KCNQ1: variants seen among roughly 807,000 people sequenced by gnomAD.
KCNQ1 encodes the protein potassium voltage-gated channel subfamily KQT member 1.
In KCNQ1, 49 loss-of-function variants were observed where a neutral mutation model predicts 72.4. That is an observed-to-expected ratio of 0.68 (90% confidence interval 0.54 to 0.86). The LOEUF (loss-of-function observed/expected upper bound fraction) is 0.86, where lower values mean the gene tolerates loss of function less well. KCNQ1 is among the 40% of genes least tolerant of loss of function. KCNQ1 has a pLI of 0.00. For synonymous variants in KCNQ1, 450 were observed against 412.6 expected, an observed-to-expected ratio of 1.09 and a Z score of -1.10; for missense variants, 790 against 945.1, an observed-to-expected ratio of 0.84 and a Z score of 2.15.
At chr11:2,522,612 T>G (rs1416723188) in intron 1 of KCNQ1, among the ~76,000 whole-genome samples, 2 of 152,228 alleles carry the variant, frequency 1.3e-5, no homozygotes, top group African/African-American at 4.8e-5. Flanking sequence ...AAAAGTAAGC[T>G]TTGTCATATA....
At position 2,603,596 on chromosome 11, in the gene KCNQ1, C is replaced by A. The variant is rs1177363556; in HGVS notation, c.1393+14742C>A. On this transcript the variant is annotated intron_variant, in intron 10 of 15. Transcript: ENST00000155840. The surrounding 1 kb of genome is among the most constrained non-coding windows in gnomAD (Gnocchi z 4.1). Reference sequence around the variant, plus strand: ...CTTTCTCTCTATGGGTTTGCCTATTCTGGACATTTTATATAAGTGGAATCA... The same window carrying A: ...CTTTCTCTCTATGGGTTTGCCTATTATGGACATTTTATATAAGTGGAATCA... Among the ~76,000 whole-genome samples, 3 of 152,158 alleles carry A rather than the reference C, an allele frequency of 2.0e-5. No individual in the cohort carries two copies. The highest frequency in any genetic ancestry group is 7.2e-5 in the African/African-American group (3 of 41,438).
rs951066677 is a variant in KCNQ1, at chr11:2,803,421, G to T, written c.1794+25384G>T. Among the ~76,000 whole-genome samples, 7 of 152,178 alleles carry T rather than the reference G, an allele frequency of 4.6e-5. No individual in the cohort carries two copies. Among genetic ancestry groups the T allele is most frequent in the Non-Finnish European group, 1.0e-4 (7 of 68,024 alleles). Reference sequence around the variant, plus strand: ...TAGAATGATATTCCCTCCAGACCACGGTGCCTTCTGGGCTCTGGAGAATGC... The same window carrying T: ...TAGAATGATATTCCCTCCAGACCACTGTGCCTTCTGGGCTCTGGAGAATGC... On this transcript the variant is annotated intron_variant, in intron 15 of 15. Transcript: ENST00000155840. The surrounding 1 kb of genome is among the most constrained non-coding windows in gnomAD (Gnocchi z 6.4).
chr11:2,804,701 C>T (rs1282902564), intron 15 of KCNQ1, among the ~76,000 whole-genome samples: 3 of 151,786 alleles, frequency 2.0e-5, no homozygotes, highest in Non-Finnish European at 4.4e-5. Context: ...ATTCTCCACA[C>T]TCTCCTGGCC....
chr11:2,561,334 C>T (rs1056193769), intron 2 of KCNQ1, among the ~76,000 whole-genome samples: 6 of 152,188 alleles, frequency 3.9e-5, no homozygotes, highest in Non-Finnish European at 7.3e-5. Flanking sequence ...CGGGACGGGG[C>T]GTCAGGTCAG....
At chr11:2,680,300 G>A in intron 11 of KCNQ1, 1 of 383,804 alleles carries the variant, frequency 2.6e-6, no homozygotes, top group Non-Finnish European at 4.5e-6. Flanking sequence ...TAGATTAACT[G>A]ATGAAGAATT....
rs980721084 is a variant in KCNQ1 at position 2,457,099 on chromosome 11, C to A, written c.386+11615C>A. Among the ~76,000 whole-genome samples, 16 of 152,058 alleles carry A rather than the reference C, an allele frequency of 1.1e-4. No individual in the cohort carries two copies. Among genetic ancestry groups the A allele is most frequent in the Non-Finnish European group, 1.8e-4 (12 of 68,012 alleles). The stretch of plus-strand genomic sequence containing the variant: ...TGCAAATCAAAGTCACAATGAGATA[C>A]CATCTCACGCCAGTCAGAATGGCCT... On this transcript the variant is annotated intron_variant, in intron 1 of 15. Transcript: ENST00000155840. The surrounding 1 kb of genome is among the most constrained non-coding windows in gnomAD (Gnocchi z 5.0).
At chr11:2,765,522 A>G (rs116797184) in intron 11 of KCNQ1, among the ~76,000 whole-genome samples, 3,704 of 152,290 alleles carry the variant, frequency 0.024, 167 homozygotes, top group African/African-American at 0.084. Flanking sequence ...AGGCTGTTCA[A>G]ATTTGTCTCT....
At chr11:2,489,455 A>T (rs988906146) in intron 1 of KCNQ1, among the ~76,000 whole-genome samples, 2 of 152,150 alleles carry the variant, frequency 1.3e-5, no homozygotes, top group Non-Finnish European at 2.9e-5. Flanking sequence ...TTCTAAATAA[A>T]CTTGTAAGGC....
Position 2,658,898 on chromosome 11 carries a change from G to C in KCNQ1, c.1394-3063G>C. 1 of 398,348 alleles carries C rather than the reference G, an allele frequency of 2.5e-6. No individual in the cohort carries two copies. The highest frequency in any genetic ancestry group is 4.4e-5 in the Admixed American group (1 of 22,698). The allele number at this position is 398,348 out of a possible 1,614,324, so 24.7% of individuals were successfully genotyped here. A position where few individuals can be genotyped will look rare whatever the true frequency, so the allele number is the denominator to read the frequency against. On this transcript the variant is annotated intron_variant, in intron 10 of 15. Coordinates refer to ENST00000155840, the MANE Select transcript of KCNQ1 (RefSeq NM_000218.3). The surrounding 1 kb of genome is among the most constrained non-coding windows in gnomAD (Gnocchi z 4.9). ...TTATTTGTGTAACCCTATTGTACAC[G>C]TAGTACCCTATGTGAAGCAAATTTA...
In KCNQ1 at chr11:2,611,114, A is replaced by G; in HGVS notation, c.1393+22260A>G. On this transcript the variant is annotated intron_variant, in intron 10 of 15. Coordinates refer to ENST00000155840, the MANE Select transcript of KCNQ1 (RefSeq NM_000218.3). This position sits in a 1 kb window ranked among gnomAD's most constrained non-coding sequence, Gnocchi z 5.3. ...TATTTCTTTATGACTTCTGTTTATG[A>G]TTTCTATTTCTTCCTGTTAAATTTT... The G allele has an allele frequency of 2.5e-6, 1 of 398,000 alleles. No homozygotes were observed. Among genetic ancestry groups the G allele is most frequent in the East Asian group, 3.6e-5 (1 of 28,022 alleles). 24.7% of individuals were successfully genotyped at this position (398,000 alleles called of 1,614,324 possible).
chr11:2,807,438 G>A (rs1847400965), intron 15 of KCNQ1, among the ~76,000 whole-genome samples: 1 of 152,196 alleles, frequency 6.6e-6, no homozygotes, highest in African/African-American at 2.4e-5. Context: ...CGCTGCACTG[G>A]GCCTCCTCGC....
intron 1 of KCNQ1, among the ~76,000 whole-genome samples, chr11:2,455,453 G>T (rs1247680658): frequency 6.6e-6 from 1 of 152,144 alleles, no homozygotes; most frequent in Non-Finnish European, 1.5e-5. Context: ...AATCAAGAAT[G>T]CAATTCCATT....
chr11:2,581,813 C>T (rs533055789), intron 6 of KCNQ1, among the ~76,000 whole-genome samples: 9 of 152,336 alleles, frequency 5.9e-5, no homozygotes, highest in Admixed American at 3.3e-4. Flanking sequence ...TACACAGAGC[C>T]GGGTGGTCCA....
At position 2,677,037 on chromosome 11, in the gene KCNQ1, T is replaced by A. The variant is rs540596900; in HGVS notation, c.1514+14956T>A. The A allele has an allele frequency of 3.0e-5, 12 of 398,650 alleles. 1 individual carries two copies. The East Asian group carries it at 4.3e-4, about 14-fold the overall frequency. The allele number at this position is 398,650 out of a possible 1,614,324, so 24.7% of individuals were successfully genotyped here. The stretch of plus-strand genomic sequence containing the variant: ...ATGGAACAGATCCTCTGTTGATGGA[T>A]ATGTAGGGCAGCTAAAAAACAGCAG... On this transcript the variant is annotated intron_variant, in intron 11 of 15. Transcript: ENST00000155840. This position sits in a 1 kb window ranked among gnomAD's most constrained non-coding sequence, Gnocchi z 4.5.
In KCNQ1 at chr11:2,461,702, G is replaced by A. The variant is rs200863082; in HGVS notation, c.386+16218G>A. The A allele has an allele frequency of 2.9e-6, 4 of 1,367,168 alleles. No homozygotes were observed. In the East Asian group the frequency reaches 1.4e-4, roughly 47 times the overall value. The allele number at this position is 1,367,168 out of a possible 1,614,324, so 84.7% of individuals were successfully genotyped here. On this transcript the variant is annotated intron_variant, in intron 1 of 15. Coordinates refer to ENST00000155840, the MANE Select transcript of KCNQ1 (RefSeq NM_000218.3). ...GCCTGTGCTTCCTGAGCCAGTGCGG[G>A]GCCTGGCATGGAGTAGGTACCCCGG...
rs1241233974 is a variant in KCNQ1 at position 2,483,144 on chromosome 11, G to A, written c.386+37660G>A. On this transcript the variant is annotated intron_variant, in intron 1 of 15. Transcript: ENST00000155840. This position sits in a 1 kb window ranked among gnomAD's most constrained non-coding sequence, Gnocchi z 6.1. The stretch of plus-strand genomic sequence containing the variant: ...GACAGAGGGCATGGCACATGCAAAG[G>A]TCCTGTGTTGGGAACGTGCTTGGTG... Among the ~76,000 whole-genome samples the A allele has an allele frequency of 1.3e-5, 2 of 152,176 alleles. No individual in the cohort carries two copies. The highest frequency in any genetic ancestry group is 3.9e-4 in the East Asian group (2 of 5,186).
intron 1 of KCNQ1, among the ~76,000 whole-genome samples, chr11:2,502,187 C>T (rs1184526021): frequency 6.6e-6 from 1 of 152,134 alleles, no homozygotes; most frequent in Non-Finnish European, 1.5e-5. Flanking sequence ...TAGTGGAAAT[C>T]CTAGCTAGAG....
At chr11:2,699,770 A>T in intron 11 of KCNQ1, 1 of 370,226 alleles carries the variant, frequency 2.7e-6, no homozygotes. Flanking sequence ...CGCGCTGAGG[A>T]GCCCCGAGGA....
At chr11:2,556,985 A>G (rs1323361797) in intron 2 of KCNQ1, among the ~76,000 whole-genome samples, 5 of 152,252 alleles carry the variant, frequency 3.3e-5, no homozygotes, top group Non-Finnish European at 5.9e-5. Flanking sequence ...CACCAAATGT[A>G]AATCGCCTGA....
Sources: gnomAD v4.1 joint callset for allele counts (sites outside exome capture counted in the v4.1 genomes callset) on GRCh38, gnomAD v4.1.1 for gene constraint, Gnocchi (gnomAD v3.1) non-coding constraint, MANE v1.5 for transcripts, NCBI Gene and HGNC (gene_info 2026-07-23, HGNC 2026-07-21) for gene names.